PALLD: variants seen among roughly 807,000 people sequenced by gnomAD.
PALLD encodes palladin, cytoskeletal associated protein, also known as palladin.
Under a neutral mutation model 123.5 loss-of-function variants are expected in PALLD, and 61 were observed. The observed-to-expected ratio is 0.49, with a 90% confidence interval of 0.40 to 0.61. PALLD has a LOEUF of 0.61. Ranked by LOEUF, PALLD falls within the 20% of genes least tolerant of loss-of-function variation. The pLI is 0.00. For missense variants in PALLD, 1,273 were observed against 1,377.0 expected (o/e 0.92, Z 1.20); for synonymous variants, 465 against 496.4 (o/e 0.94, Z 0.84).
At chr4:168,842,659 C>T (rs536114752) in intron 10 of PALLD, among the ~76,000 whole-genome samples, 21 of 152,318 alleles carry the variant, frequency 1.4e-4, no homozygotes, top group African/African-American at 4.8e-4. Context: ...AGCAAAAAGA[C>T]TAGAGGAGAG....
intron 10 of PALLD, among the ~76,000 whole-genome samples, chr4:168,728,714 A>G (rs1434169754): frequency 6.6e-6 from 1 of 151,228 alleles, no homozygotes; most frequent in Non-Finnish European, 1.5e-5. Flanking sequence ...TTGTTTTTTT[A>G]TTTTCCCATA....
At chr4:168,888,480 T>C (rs987543588) in intron 10 of PALLD, among the ~76,000 whole-genome samples, 1 of 152,312 alleles carries the variant, frequency 6.6e-6, no homozygotes, top group East Asian at 1.9e-4. Flanking sequence ...TCTATCATCA[T>C]TGGCACATAT....
intron 2 of PALLD, among the ~76,000 whole-genome samples, chr4:168,580,745 T>A (rs1208680810): frequency 2.6e-5 from 4 of 152,010 alleles, no homozygotes; most frequent in Non-Finnish European, 5.9e-5. Context: ...AGTGGTAGAC[T>A]GGATAAAGAA....
chr4:168,726,929 G>A (rs1456208848), intron 10 of PALLD, among the ~76,000 whole-genome samples: 2 of 152,076 alleles, frequency 1.3e-5, no homozygotes, highest in Admixed American at 1.3e-4. Flanking sequence ...CTACGTTTAT[G>A]TCCATGTGTG....
chr4:168,755,818 G>T, intron 10 of PALLD: 1 of 176,472 alleles, frequency 5.7e-6, no homozygotes, highest in Non-Finnish European at 1.2e-5. Flanking sequence ...CTGCAAGAAT[G>T]AAGGCTGTTC....
chr4:168,706,419 T>C (rs1186434096), intron 8 of PALLD, among the ~76,000 whole-genome samples: 1 of 152,220 alleles, frequency 6.6e-6, no homozygotes, highest in East Asian at 1.9e-4. Context: ...TGTGTGTTTT[T>C]ACAACTCTTG....
intron 6 of PALLD, among the ~76,000 whole-genome samples, chr4:168,687,897 A>G (rs964494897): frequency 2.0e-5 from 3 of 152,268 alleles, no homozygotes; most frequent in African/African-American, 4.8e-5. Context: ...CAAACTGTCA[A>G]TTCACTGGAA....
chr4:168,548,133 CAA>C (rs748717173), intron 2 of PALLD, among the ~76,000 whole-genome samples: 13 of 151,930 alleles, frequency 8.6e-5, no homozygotes, highest in Non-Finnish European at 1.5e-4. Flanking sequence ...ACGTCAGACC[CAA>C]AGTGTTCAAC....
At chr4:168,759,189 AAAAAAAAAAAAAAATAT>A (rs1244665091) in intron 10 of PALLD, among the ~76,000 whole-genome samples, 19 of 24,638 alleles carry the variant, frequency 7.7e-4, no homozygotes, top group Non-Finnish European at 1.0e-3. Flanking sequence ...CAAAAAAAAA[AAAAAAAAAAAAAAATAT>A]ATATATATAT....
intron 2 of PALLD, among the ~76,000 whole-genome samples, chr4:168,578,855 C>CAAT (rs1260839962): frequency 6.6e-6 from 1 of 151,852 alleles, no homozygotes; most frequent in African/African-American, 2.4e-5. Context: ...GTTTTTAAAC[C>CAAT]TATTACTTCC....
At chr4:168,821,477 G>GTA (rs1003521608) in intron 10 of PALLD, among the ~76,000 whole-genome samples, 2 of 151,698 alleles carry the variant, frequency 1.3e-5, no homozygotes, top group Non-Finnish European at 1.5e-5. Flanking sequence ...GCAGATATGG[G>GTA]TATATATATG....
intron 2 of PALLD, among the ~76,000 whole-genome samples, chr4:168,628,486 C>T (rs1217366693): frequency 1.3e-5 from 2 of 152,100 alleles, no homozygotes; most frequent in Non-Finnish European, 1.5e-5. Flanking sequence ...CCACATTGTC[C>T]CCTTTGCTGT....
chr4:168,868,205 T>C (rs767925706), intron 10 of PALLD, among the ~76,000 whole-genome samples: 2 of 152,182 alleles, frequency 1.3e-5, no homozygotes, highest in Non-Finnish European at 2.9e-5. Flanking sequence ...CTTGGATAAT[T>C]TGCTGAAGCC....
intron 10 of PALLD, among the ~76,000 whole-genome samples, chr4:168,779,496 A>T (rs933214659): frequency 3.9e-4 from 59 of 150,970 alleles, no homozygotes; most frequent in Non-Finnish European, 7.1e-4. Flanking sequence ...TATATATATA[A>T]AAAATCATAT....
In PALLD at chr4:168,844,453, C is replaced by T. The variant is rs1414544535; in HGVS notation, c.1965-46469C>T. On this transcript the variant is annotated intron_variant, in intron 10 of 21. Transcript: ENST00000505667. The surrounding 1 kb of genome is among the most constrained non-coding windows in gnomAD (Gnocchi z 4.5). Reference sequence around the variant, plus strand: ...AGAGAGAAGTGGGGAACCCCACAAGCCTTGAGAATTTCAAGAATTTGTGGA... The same window carrying T: ...AGAGAGAAGTGGGGAACCCCACAAGTCTTGAGAATTTCAAGAATTTGTGGA... 2 of 152,222 alleles carry T rather than the reference C, an allele frequency of 1.3e-5. No individual in the cohort carries two copies. The highest frequency in any genetic ancestry group is 4.8e-5 in the African/African-American group (2 of 41,448). 9.4% of individuals were successfully genotyped at this position (152,222 alleles called of 1,614,324 possible).
At chr4:168,810,874 ATAGT>A (rs747395636) in intron 10 of PALLD, among the ~76,000 whole-genome samples, 2 of 151,994 alleles carry the variant, frequency 1.3e-5, no homozygotes, top group Non-Finnish European at 2.9e-5. Flanking sequence ...CCAAAGTATG[ATAGT>A]TAGATGTGGA....
At chr4:168,505,177 G>A (rs996115102) in intron 1 of PALLD, among the ~76,000 whole-genome samples, 2 of 152,140 alleles carry the variant, frequency 1.3e-5, no homozygotes, top group East Asian at 1.9e-4. Flanking sequence ...GCATGTTCCC[G>A]CGGCAATAAC....
intron 10 of PALLD, among the ~76,000 whole-genome samples, chr4:168,885,813 T>C (rs1226719568): frequency 6.6e-6 from 1 of 152,190 alleles, no homozygotes; most frequent in East Asian, 1.9e-4. Context: ...ATTGTGATGC[T>C]CATTCCAACT....
intron 10 of PALLD, among the ~76,000 whole-genome samples, chr4:168,754,557 C>T (rs1731511757): frequency 6.6e-6 from 1 of 152,122 alleles, no homozygotes; most frequent in Non-Finnish European, 1.5e-5. Context: ...CATTCTGGTG[C>T]TTCTTAAGCT....
Sources: gnomAD v4.1 joint callset for allele counts (sites outside exome capture counted in the v4.1 genomes callset) on GRCh38, gnomAD v4.1.1 for gene constraint, Gnocchi (gnomAD v3.1) non-coding constraint, MANE v1.5 for transcripts, NCBI Gene and HGNC (gene_info 2026-07-23, HGNC 2026-07-21) for gene names.